Variants in ATP2C2 observed in about 807,000 individuals in gnomAD.
ATP2C2 encodes calcium-transporting ATPase type 2C member 2.
Under a neutral mutation model 110.8 loss-of-function variants are expected in ATP2C2, and 171 were observed. The ratio of observed to expected loss-of-function variants is 1.54; its 90% CI spans 1.36 to 1.75. ATP2C2 has a LOEUF of 1.75. Ranked by LOEUF, ATP2C2 falls within the 40% of genes most tolerant of loss-of-function variation. ATP2C2 has a pLI of 0.00. For synonymous variants in ATP2C2, 804 were observed against 508.4 expected (o/e 1.58, Z -7.82); for missense variants, 1,963 against 1,235.0 (o/e 1.59, Z -8.84).
At chr16:84,411,738 G>A (rs35926752) in intron 6 of ATP2C2, among the ~76,000 whole-genome samples, 5,738 of 152,172 alleles carry the variant, frequency 0.038, 153 homozygotes, top group Non-Finnish European at 0.057. Context: ...CACCGTGCCC[G>A]GCCGACAAAC....
At chr16:84,435,837 A>G (rs35978060) in intron 11 of ATP2C2, among the ~76,000 whole-genome samples, 51,271 of 147,468 alleles carry the variant, frequency 0.35, 9,308 homozygotes, top group Non-Finnish European at 0.41. Flanking sequence ...AAAAAAAAAA[A>G]TAAAAAACAG....
At chr16:84,399,554 C>T (rs563067681) in intron 2 of ATP2C2, among the ~76,000 whole-genome samples, 124 of 152,212 alleles carry the variant, frequency 8.1e-4, no homozygotes, top group African/African-American at 2.6e-3. Flanking sequence ...CTGTATTTAA[C>T]GAATTTGTTT....
chr16:84,371,529 C>T (rs1160424731), intron 1 of ATP2C2, among the ~76,000 whole-genome samples: 1 of 152,156 alleles, frequency 6.6e-6, no homozygotes, highest in Non-Finnish European at 1.5e-5. Context: ...ACAAAAAGGT[C>T]TTTGAGAGGC....
chr16:84,413,071 C>A (rs1448957560), intron 6 of ATP2C2, among the ~76,000 whole-genome samples: 2 of 149,504 alleles, frequency 1.3e-5, no homozygotes, highest in Non-Finnish European at 3.0e-5. Flanking sequence ...GTACTCCAGC[C>A]TGTGCGATAA....
intron 10 of ATP2C2, among the ~76,000 whole-genome samples, chr16:84,425,322 A>G (rs114314738): frequency 6.6e-6 from 1 of 152,216 alleles, no homozygotes; most frequent in Non-Finnish European, 1.5e-5. Flanking sequence ...ATATTTAATC[A>G]TGAGTACCAC....
At chr16:84,427,955 C>T (rs1304558639) in intron 11 of ATP2C2, among the ~76,000 whole-genome samples, 3 of 152,102 alleles carry the variant, frequency 2.0e-5, no homozygotes, top group African/African-American at 7.2e-5. Flanking sequence ...AATTATATAT[C>T]AATAGAGAAA....
intron 4 of ATP2C2, among the ~76,000 whole-genome samples, chr16:84,409,320 G>A (rs1906063830): frequency 6.6e-6 from 1 of 152,148 alleles, no homozygotes; most frequent in African/African-American, 2.4e-5. Context: ...GGCTGGGGGA[G>A]GGATAGCATT....
rs200286809 is a variant in ATP2C2 at position 84,426,549 on chromosome 16, C to T, written c.986+748C>T. The stretch of plus-strand genomic sequence containing the variant: ...TACGCTTGCCACAAAACTGGAGGTT[C>T]TGTGACCTCCAGCAAGTTTCTTAGC... On this transcript the variant is annotated intron_variant, in intron 11 of 26. Coordinates refer to ENST00000262429, the MANE Select transcript of ATP2C2 (RefSeq NM_014861.4). Among the ~76,000 whole-genome samples the T allele has an allele frequency of 2.6e-5, 4 of 152,256 alleles. No homozygotes were observed. The East Asian group carries it at 7.7e-4, about 29-fold the overall frequency.
intron 14 of ATP2C2, among the ~76,000 whole-genome samples, chr16:84,442,175 G>T (rs1051129654): frequency 5.3e-5 from 8 of 152,200 alleles, no homozygotes; most frequent in African/African-American, 1.4e-4. Context: ...TTGTTCACAA[G>T]TTGTGCAAAC....
Position 84,448,617 on chromosome 16 carries a change from C to T in ATP2C2, c.1588C>T (p.Leu530=). The part of the protein sequence containing the change: ...CTMYNNGGIP[L]PLTPQQRSFC... ...CATGTACAACAACGGGGGCATCCCCCTGCCGCTGACGCCCCAGCAGAGGTC... is the reference window on the plus strand; with the variant it reads ...CATGTACAACAACGGGGGCATCCCCTTGCCGCTGACGCCCCAGCAGAGGTC... Residue 530 remains leucine, a synonymous_variant, in exon 17 of 27, where the codon CTG becomes TTG. Coordinates refer to ENST00000262429, the MANE Select transcript of ATP2C2 (RefSeq NM_014861.4). The T allele has an allele frequency of 6.2e-7, 1 of 1,614,122 alleles. No individual in the cohort carries two copies. The highest frequency in any genetic ancestry group is 8.5e-7 in the Non-Finnish European group (1 of 1,179,998).
chr16:84,440,777 C>G, intron 13 of ATP2C2, 80 bp from the exon 14 acceptor site: 2 of 1,076,804 alleles, frequency 1.9e-6, no homozygotes, highest in African/African-American at 1.5e-5. Context: ...GAATGGATCC[C>G]CAGGACAGAG....
chr16:84,456,120 T>A (rs1381804727), intron 21 of ATP2C2, among the ~76,000 whole-genome samples: 1 of 110,982 alleles, frequency 9.0e-6, no homozygotes, highest in Non-Finnish European at 1.8e-5. Context: ...CCGGCTTTGG[T>A]ATCAGAATGA....
chr16:84,451,844 A>T, intron 17 of ATP2C2, 77 bp from the exon 18 acceptor site: 6 of 1,339,890 alleles, frequency 4.5e-6, no homozygotes, highest in South Asian at 1.3e-5. Flanking sequence ...CTTAAAAAAC[A>T]ACAACAACAA....
chr16:84,460,340 G>T (rs545666845), intron 23 of ATP2C2: 8 of 375,674 alleles, frequency 2.1e-5, no homozygotes, highest in Non-Finnish European at 3.4e-5. Context: ...TTCTCCAGGC[G>T]CAACGTTGGG....
chr16:84,406,220 C>T (rs1391868545), intron 3 of ATP2C2, among the ~76,000 whole-genome samples: 1 of 152,142 alleles, frequency 6.6e-6, no homozygotes, highest in East Asian at 1.9e-4. Flanking sequence ...GCCTGGAAGC[C>T]ACTAAGAAGG....
In ATP2C2 at chr16:84,405,237, T is replaced by TGGATCA; in HGVS notation, c.323_327+1dup. 4 of 1,613,114 alleles carry TGGATCA rather than the reference T, an allele frequency of 2.5e-6. No individual in the cohort carries two copies. The highest frequency in any genetic ancestry group is 3.4e-6 in the Non-Finnish European group (4 of 1,179,172). On this transcript the variant is annotated inframe_insertion, in exon 3 of 27. Coordinates refer to ENST00000262429, the MANE Select transcript of ATP2C2 (RefSeq NM_014861.4). The stretch of plus-strand genomic sequence containing the variant: ...AGCGAACCTGTGTGGAAGAAATACC[T>TGGATCA]GGATCAGGTAGGACCAGAGGTGTCA...
At chr16:84,419,181 C>G (rs975644776) in intron 7 of ATP2C2, among the ~76,000 whole-genome samples, 1 of 129,016 alleles carries the variant, frequency 7.8e-6, no homozygotes, top group Non-Finnish European at 1.6e-5. Context: ...GCACTGTAGC[C>G]TGGGTGACAG....
At chr16:84,368,805 C>T (rs533104262) in intron 1 of ATP2C2, 91 bp downstream of exon 1, 570 of 1,132,350 alleles carry the variant, frequency 5.0e-4, no homozygotes, top group Non-Finnish European at 6.5e-4. Flanking sequence ...CGCGTTCGCG[C>T]TGCGATCCGC....
chr16:84,450,711 C>A (rs1910179752), intron 17 of ATP2C2, among the ~76,000 whole-genome samples: 1 of 152,158 alleles, frequency 6.6e-6, no homozygotes, highest in Non-Finnish European at 1.5e-5. Flanking sequence ...CCTCTCAGAT[C>A]ACCCAGGGGC....
Sources: gnomAD v4.1 joint callset for allele counts (sites outside exome capture counted in the v4.1 genomes callset) on GRCh38, gnomAD v4.1.1 for gene constraint, MANE v1.5 for transcripts, NCBI Gene and HGNC (gene_info 2026-07-23, HGNC 2026-07-21) for gene names.